The following WDR37 variants were observed in gnomAD, a reference collection of about 807,000 sequenced individuals.
The protein encoded by WDR37 is WD repeat domain 37.
In WDR37, 19 loss-of-function variants were observed where a neutral mutation model predicts 62.9. The observed-to-expected ratio is 0.30, with a 90% CI of 0.21 to 0.44. WDR37 has a LOEUF of 0.44. Ranked by LOEUF, WDR37 falls within the 20% of genes least tolerant of loss-of-function variation. WDR37 has a pLI of 1.00. For missense variants in WDR37, 474 were observed against 657.6 expected (o/e 0.72, Z 3.05); for synonymous variants, 250 against 260.9 (o/e 0.96, Z 0.40).
rs77505067 is a variant in WDR37, at chr10:1,131,691, T to TGTGC, written c.*2350_*2351insCGTG. 49,912 of 151,402 alleles carry TGTGC rather than the reference T, an allele frequency of 0.33. 9,279 individuals carry two copies. Among genetic ancestry groups the TGTGC allele is most frequent in the South Asian group, 0.49 (2,373 of 4,806 alleles). The allele number at this position is 151,402 out of a possible 1,614,324, so 9.4% of individuals were successfully genotyped here. A position where few individuals can be genotyped will look rare whatever the true frequency, so the allele number is the denominator to read the frequency against. On this transcript the variant is annotated 3_prime_UTR_variant, in exon 14 of 14. Coordinates refer to ENST00000263150, the MANE Select transcript of WDR37 (RefSeq NM_014023.4). ...CAGACAAGATCGGGGATGGTGTGTG[T>TGTGC]GTGTGTGTGTGTGTGTGTGTGCACG... is the stretch of plus-strand genomic sequence containing the variant.
In WDR37 at chr10:1,056,745, G is replaced by A. The variant is rs1833185128; in HGVS notation, c.-264G>A. 6.6e-6 allele frequency: 1 copy of A among 152,386 alleles called. No individual in the cohort carries two copies. Among genetic ancestry groups the A allele is most frequent in the East Asian group, 1.9e-4 (1 of 5,196 alleles). The allele number at this position is 152,386 out of a possible 1,614,324, so 9.4% of individuals were successfully genotyped here. A position where few individuals can be genotyped will look rare whatever the true frequency, so the allele number is the denominator to read the frequency against. ...GCGCCGCCGGGTGTGGGGCGGAGGTGTGGGGCGGCTTCCGGAGAACCCAGC... is the reference window on the plus strand; with the variant it reads ...GCGCCGCCGGGTGTGGGGCGGAGGTATGGGGCGGCTTCCGGAGAACCCAGC... On this transcript the variant is annotated 5_prime_UTR_variant, in exon 1 of 14. It adds an upstream start codon to the 5' untranslated region. Transcript: ENST00000263150.
At chr10:1,093,030 A>G (rs910288051) in intron 7 of WDR37, among the ~76,000 whole-genome samples, 1 of 151,998 alleles carries the variant, frequency 6.6e-6, no homozygotes, top group Admixed American at 6.6e-5. Context: ...TCTACTAGTC[A>G]CAGAACAGAC....
chr10:1,128,787 TC>T (rs1190188305), intron 13 of WDR37, among the ~76,000 whole-genome samples: 1 of 152,228 alleles, frequency 6.6e-6, no homozygotes, highest in East Asian at 1.9e-4. Flanking sequence ...TGGCTGCACG[TC>T]CTGGCGGCTC....
chr10:1,074,477 G>A lies in WDR37; in HGVS notation c.138+2184G>A, dbSNP rs529482476. Reference sequence around the variant, plus strand: ...ACGGAGCTCATTTGTTCAATGAGCAGTGATTCGGAGTGGGACCGGTCAGCA... The same window carrying A: ...ACGGAGCTCATTTGTTCAATGAGCAATGATTCGGAGTGGGACCGGTCAGCA... On this transcript the variant is annotated intron_variant, in intron 2 of 13. Coordinates refer to ENST00000263150, the MANE Select transcript of WDR37 (RefSeq NM_014023.4). 3.8e-6 allele frequency: 5 copies of A among 1,304,522 alleles called. No homozygotes were observed. The African/African-American group carries it at 7.6e-5, about 20-fold the overall frequency. 80.8% of individuals were successfully genotyped at this position (1,304,522 alleles called of 1,614,324 possible).
intron 3 of WDR37, 60 bp downstream of exon 3, chr10:1,078,063 G>T: frequency 7.7e-7 from 1 of 1,305,598 alleles, no homozygotes; most frequent in South Asian, 1.3e-5. Flanking sequence ...TCAAATTTAT[G>T]AATAGACATT....
At chr10:1,109,268 A>G (rs1589114595) in intron 11 of WDR37, among the ~76,000 whole-genome samples, 2 of 152,182 alleles carry the variant, frequency 1.3e-5, no homozygotes, top group African/African-American at 4.8e-5. Context: ...CAGTTGCCAT[A>G]TTTAACTGGA....
chr10:1,069,394 T>A (rs868727814), intron 1 of WDR37, among the ~76,000 whole-genome samples: 13,448 of 94,832 alleles, frequency 0.14, 1,013 homozygotes, highest in Non-Finnish European at 0.16. Context: ...TATATATTTT[T>A]TTTTTTTTTT....
intron 7 of WDR37, among the ~76,000 whole-genome samples, chr10:1,090,714 T>G (rs1346580957): frequency 1.3e-5 from 2 of 152,184 alleles, no homozygotes; most frequent in Non-Finnish European, 2.9e-5. Context: ...TGGCAGAGGT[T>G]GTTGTCCCCT....
At position 1,079,028 on chromosome 10, in the gene WDR37, A is replaced by T. The variant is rs532287129; in HGVS notation, c.236-983A>T. Among the ~76,000 whole-genome samples, 3 of 152,142 alleles carry T rather than the reference A, an allele frequency of 2.0e-5. No homozygotes were observed. The South Asian group carries it at 6.2e-4, about 32-fold the overall frequency. On this transcript the variant is annotated intron_variant, in intron 3 of 13. Coordinates refer to ENST00000263150, the MANE Select transcript of WDR37 (RefSeq NM_014023.4). Reference sequence around the variant, plus strand: ...TTGGAAATTTTAATGTTAATACTGGATTCTCCTTTTTAAAGAGTCCACCTT... The same window carrying T: ...TTGGAAATTTTAATGTTAATACTGGTTTCTCCTTTTTAAAGAGTCCACCTT...
At chr10:1,062,880 G>A (rs1265098170) in intron 1 of WDR37, among the ~76,000 whole-genome samples, 1 of 152,186 alleles carries the variant, frequency 6.6e-6, no homozygotes, top group Admixed American at 6.5e-5. Context: ...AAGGTCACAA[G>A]TTAGAGACCA....
intron 1 of WDR37, among the ~76,000 whole-genome samples, chr10:1,070,016 G>C (rs571175916): frequency 6.6e-6 from 1 of 152,144 alleles, no homozygotes; most frequent in Non-Finnish European, 1.5e-5. Flanking sequence ...GACCAACCTG[G>C]TCAACGTGGC....
intron 11 of WDR37, among the ~76,000 whole-genome samples, chr10:1,120,511 G>T (rs1377960133): frequency 6.6e-6 from 1 of 152,212 alleles, no homozygotes; most frequent in Non-Finnish European, 1.5e-5. Context: ...CAGTTGACAT[G>T]CCAAAGTAAT....
chr10:1,080,893 G>A (rs887316549), intron 5 of WDR37, among the ~76,000 whole-genome samples: 10 of 150,164 alleles, frequency 6.7e-5, no homozygotes, highest in Admixed American at 1.3e-4. Context: ...GCAACAGAGC[G>A]AGATTCCGAC....
intron 5 of WDR37, 31 bp from the exon 6 acceptor site, chr10:1,084,372 T>G: frequency 6.3e-7 from 1 of 1,592,922 alleles, no homozygotes; most frequent in South Asian, 1.1e-5. Context: ...TTCAGTAAAT[T>G]GTTTCACAAG....
chr10:1,125,313 G>C (rs953224717), intron 13 of WDR37, among the ~76,000 whole-genome samples: 1 of 151,956 alleles, frequency 6.6e-6, no homozygotes, highest in Non-Finnish European at 1.5e-5. Context: ...CCAGGTTCAA[G>C]CAATTCTTCT....
chr10:1,124,279 A>G lies in WDR37; in HGVS notation c.1165A>G (p.Thr389Ala), dbSNP rs1294518800. Residue 389 changes from threonine to alanine, a missense_variant, in exon 12 of 14, where the codon ACG (threonine) becomes GCG (alanine). Transcript: ENST00000263150. ...CGTGGTTTCAGGCAGCGATGACCGC[A>G]CGGTGAAAGTCTGGGACTTGAAAAA... The part of the protein sequence containing the change: ...DNVVSGSDDR[T>A]VKVWDLKNMR... 8.7e-6 allele frequency: 14 copies of G among 1,614,224 alleles called. No individual in the cohort carries two copies. Among genetic ancestry groups the G allele is most frequent in the Non-Finnish European group, 1.2e-5 (14 of 1,180,040 alleles).
intron 11 of WDR37, among the ~76,000 whole-genome samples, chr10:1,119,299 T>C (rs1359292304): frequency 6.6e-6 from 1 of 152,228 alleles, no homozygotes; most frequent in African/African-American, 2.4e-5. Context: ...TCAGTGTTTC[T>C]GTAATGGGTC....
chr10:1,129,410 G>A lies in WDR37; in HGVS notation c.*66G>A. ...ACCTTTGATGGGTGCAGGCTTTTCT[G>A]CGTATTAATCAGCCATTTTTGTGAG... On this transcript the variant is annotated 3_prime_UTR_variant, in exon 14 of 14. Coordinates refer to ENST00000263150, the MANE Select transcript of WDR37 (RefSeq NM_014023.4). The A allele has an allele frequency of 6.3e-7, 1 of 1,595,926 alleles. No individual in the cohort carries two copies. The highest frequency in any genetic ancestry group is 1.1e-5 in the South Asian group (1 of 89,126).
chr10:1,117,670 G>A (rs1237236734), intron 11 of WDR37, among the ~76,000 whole-genome samples: 1 of 152,200 alleles, frequency 6.6e-6, no homozygotes, highest in African/African-American at 2.4e-5. Context: ...GGGTGTCTGA[G>A]TCCACAAGTC....
Sources: gnomAD v4.1 joint callset for allele counts (sites outside exome capture counted in the v4.1 genomes callset) on GRCh38, gnomAD v4.1.1 for gene constraint, MANE v1.5 for transcripts, NCBI Gene and HGNC (gene_info 2026-07-23, HGNC 2026-07-21) for gene names.